The following BRSK2 variants were observed in gnomAD, a reference collection of about 807,000 sequenced individuals.
The protein encoded by BRSK2 is BR serine/threonine kinase 2.
In BRSK2, 19 loss-of-function variants were observed where a neutral mutation model predicts 83.3. The observed-to-expected ratio is 0.23, with a 90% CI of 0.16 to 0.33. The LOEUF (loss-of-function observed/expected upper bound fraction) is 0.33. BRSK2 is among the 10% of genes least tolerant of loss of function. BRSK2 has a pLI of 1.00. For synonymous variants in BRSK2, 519 were observed against 435.4 expected, an observed-to-expected ratio of 1.19 and a Z score of -2.39; for missense variants, 798 against 1,042.3, an observed-to-expected ratio of 0.77 and a Z score of 3.23.
chr11:1,440,762 C>T (rs746159572), intron 3 of BRSK2, 26 bp from the exon 4 acceptor site: 100 of 1,549,124 alleles, frequency 6.5e-5, no homozygotes, highest in Admixed American at 5.9e-5. Flanking sequence ...CACAGCTGGG[C>T]GCACTGGTGG....
At chr11:1,453,841 G>A (rs951410228) in intron 15 of BRSK2, 1 of 152,316 alleles carries the variant, frequency 6.6e-6, no homozygotes, top group Non-Finnish European at 1.5e-5. Context: ...TGCCACCTCT[G>A]AACAGCCACC....
chr11:1,459,147 G>A, intron 18 of BRSK2, 45 bp from the exon 19 acceptor site: 3 of 1,599,152 alleles, frequency 1.9e-6, no homozygotes, highest in Non-Finnish European at 1.7e-6. Context: ...GCCCAGGACA[G>A]CCTTTCACTC....
chr11:1,456,962 C>G (rs775624338), intron 18 of BRSK2: 13 of 1,597,294 alleles, frequency 8.1e-6, no homozygotes, highest in South Asian at 2.2e-5. Context: ...TAGAACCCCC[C>G]CCACCAGCGC....
In BRSK2 at chr11:1,390,059, C is replaced by G. The variant is rs960836128; in HGVS notation, c.-226C>G. 2 of 147,820 alleles carry G rather than the reference C, an allele frequency of 1.4e-5. No individual in the cohort carries two copies. The highest frequency in any genetic ancestry group is 3.5e-4 in the South Asian group (2 of 5,656). 9.2% of individuals were successfully genotyped at this position (147,820 alleles called of 1,614,324 possible). On this transcript the variant is annotated 5_prime_UTR_variant, in exon 1 of 20. Transcript: ENST00000528841. This position sits in a 1 kb window ranked among gnomAD's most constrained non-coding sequence, Gnocchi z 6.8. The stretch of plus-strand genomic sequence containing the variant: ...GGTGCCCCCGCCCGCCCTGTCCTCT[C>G]GACGAGGCGGAGGCGTCGCCGCGGG...
intron 1 of BRSK2, among the ~76,000 whole-genome samples, chr11:1,413,858 C>T (rs546143265): frequency 1.3e-5 from 2 of 152,262 alleles, no homozygotes; most frequent in East Asian, 1.9e-4. Context: ...CAGGTGAGGT[C>T]GGGTGGGTAA....
intron 1 of BRSK2, chr11:1,411,760 G>A: frequency 7.4e-7 from 1 of 1,358,560 alleles, no homozygotes; most frequent in Admixed American, 2.2e-5. Flanking sequence ...CCTGCTGGGA[G>A]GGCCAGCTGT....
chr11:1,436,454 T>C (rs974104065), intron 2 of BRSK2, among the ~76,000 whole-genome samples: 7 of 152,282 alleles, frequency 4.6e-5, no homozygotes, highest in Admixed American at 4.6e-4. Context: ...CCAGCTAGAA[T>C]GGAGAGGAGT....
Position 1,390,194 on chromosome 11 carries a change from G to GA in BRSK2, c.-91_-90insA. On this transcript the variant is annotated 5_prime_UTR_variant, in exon 1 of 20. Coordinates refer to ENST00000528841, the MANE Select transcript of BRSK2 (RefSeq NM_001256627.2). This position sits in a 1 kb window ranked among gnomAD's most constrained non-coding sequence, Gnocchi z 6.8. ...GGGGGCGCCCCGGCCGGGTCGGCGC[G>GA]GACGGCACTCGGCGGACGCGGGCGG... The GA allele has an allele frequency of 3.0e-6, 2 of 659,382 alleles. No individual in the cohort carries two copies. Among genetic ancestry groups the GA allele is most frequent in the Non-Finnish European group, 3.7e-6 (2 of 535,798 alleles). 40.8% of individuals were successfully genotyped at this position (659,382 alleles called of 1,614,324 possible).
intron 1 of BRSK2, chr11:1,411,557 C>T (rs777975428): frequency 1.2e-5 from 19 of 1,574,018 alleles, no homozygotes; most frequent in African/African-American, 6.7e-5. Flanking sequence ...GCCACACTCC[C>T]GGCCCACAGC....
chr11:1,393,535 A>G (rs1845861031), intron 1 of BRSK2, among the ~76,000 whole-genome samples: 1 of 152,166 alleles, frequency 6.6e-6, no homozygotes, highest in African/African-American at 2.4e-5. Context: ...CCTGCAGCTC[A>G]CCTGGCAGTG....
At chr11:1,400,959 T>C (rs1846436651) in intron 1 of BRSK2, among the ~76,000 whole-genome samples, 1 of 152,238 alleles carries the variant, frequency 6.6e-6, no homozygotes, top group African/African-American at 2.4e-5. Flanking sequence ...CCATCCCTGC[T>C]GGTGCATGCC....
At chr11:1,393,424 G>T (rs1845851319) in intron 1 of BRSK2, among the ~76,000 whole-genome samples, 1 of 152,156 alleles carries the variant, frequency 6.6e-6, no homozygotes, top group Non-Finnish European at 1.5e-5. Flanking sequence ...ACGATGAGGG[G>T]CCTGCCTTCG....
chr11:1,392,661 G>A (rs911422497), intron 1 of BRSK2, among the ~76,000 whole-genome samples: 13 of 152,212 alleles, frequency 8.5e-5, no homozygotes, highest in Non-Finnish European at 1.6e-4. Context: ...GAGTCTGGCC[G>A]TGTGGGGAGG....
rs1851884897 is a variant in BRSK2 at position 1,445,346 on chromosome 11, A to G, written c.865A>G (p.Ile289Val). Reference sequence around the variant, plus strand: ...GCAGCCCATTCCTCGCAAGGTGCAGATCCGCTCGCTGCCCAGCCTGGAGGA... The same window carrying G: ...GCAGCCCATTCCTCGCAAGGTGCAGGTCCGCTCGCTGCCCAGCCTGGAGGA... ...PEQPIPRKVQ[I>V]RSLPSLEDID... The change falls in exon 10 of 20, where the codon ATC (isoleucine) becomes GTC (valine). Residue 289 changes from isoleucine (I) to valine (V), a missense_variant. Around this residue, in one of 6 missense-constraint regions of BRSK2, gnomAD observed 145 missense variants for 225.4 expected, o/e 0.64. Transcript: ENST00000528841. 5.0e-6 allele frequency: 8 copies of G among 1,611,796 alleles called. No homozygotes were observed. The highest frequency in any genetic ancestry group is 1.3e-5 in the African/African-American group (1 of 75,040).
rs1847335704 is a variant in BRSK2, at chr11:1,460,516, C to T, written c.2004C>T (p.Asn668=). ...TGTACCCAGGCAGCCCATTGAGTAACTTCTTTGACGTAATTAAACAACTTT... is the reference window on the plus strand; with the variant it reads ...TGTACCCAGGCAGCCCATTGAGTAATTTCTTTGACGTAATTAAACAACTTT... ...RLSKCGSPLS[N]FFDVIKQLFS... Residue 668 remains asparagine, a synonymous_variant, in exon 20 of 20, where the codon AAC becomes AAT. Coordinates refer to ENST00000528841, the MANE Select transcript of BRSK2 (RefSeq NM_001256627.2). 2 of 1,343,292 alleles carry T rather than the reference C, an allele frequency of 1.5e-6. No individual in the cohort carries two copies. The highest frequency in any genetic ancestry group is 2.5e-5 in the Admixed American group (1 of 39,590). 83.2% of individuals were successfully genotyped at this position (1,343,292 alleles called of 1,614,324 possible).
At position 1,423,376 on chromosome 11, in the gene BRSK2, G is replaced by A. The variant is rs1203837202; in HGVS notation, c.92-12664G>A. 6.6e-6 allele frequency among the ~76,000 whole-genome samples: 1 copy of A among 152,164 alleles called. No homozygotes were observed. Among genetic ancestry groups the A allele is most frequent in the Non-Finnish European group, 1.5e-5 (1 of 68,020 alleles). Reference sequence around the variant, plus strand: ...CTTCAGTTAGGAGCCGAGGCCTCTGGCCAGGTTCAGGCACGTGGAGAGTGT... The same window carrying A: ...CTTCAGTTAGGAGCCGAGGCCTCTGACCAGGTTCAGGCACGTGGAGAGTGT... On this transcript the variant is annotated intron_variant, in intron 1 of 19. Transcript: ENST00000528841. This position sits in a 1 kb window ranked among gnomAD's most constrained non-coding sequence, Gnocchi z 6.5.
At chr11:1,405,085 C>CCGCCATCT (rs1846774533) in intron 1 of BRSK2, among the ~76,000 whole-genome samples, 1 of 8,880 alleles carries the variant, frequency 1.1e-4, no homozygotes. Flanking sequence ...CTCTGAGGGG[C>CCGCCATCT]CTGAGCAGCC....
chr11:1,454,305 T>C lies in BRSK2; in HGVS notation c.1545-180T>C, dbSNP rs1480949927. ...TAGAGCCACGGTGATGGTCAGGGCA[T>C]ATGGGCTAGGGTTAGGGCGTTGGGG... On this transcript the variant is annotated intron_variant, in intron 15 of 19. Transcript: ENST00000528841. This position sits in a 1 kb window ranked among gnomAD's most constrained non-coding sequence, Gnocchi z 5.2. 22 of 676,002 alleles carry C rather than the reference T, an allele frequency of 3.3e-5. No individual in the cohort carries two copies. The highest frequency in any genetic ancestry group is 5.5e-5 in the Non-Finnish European group (22 of 396,518). The allele number at this position is 676,002 out of a possible 1,614,324, so 41.9% of individuals were successfully genotyped here.
chr11:1,445,604 C>T lies in BRSK2; in HGVS notation c.1011C>T (p.Leu337=), dbSNP rs181732413. ...AGGAGAAGATGATTTACTTCCTCCT[C>T]CTGGACCGGAAAGAAAGGTACCCGA... The part of the protein sequence containing the change: ...ENQEKMIYFL[L]LDRKERYPSQ... Residue 337 remains leucine, a synonymous_variant, in exon 11 of 20, where the codon CTC becomes CTT. Transcript: ENST00000528841. The T allele has an allele frequency of 2.4e-4, 383 of 1,573,544 alleles. 1 individual carries two copies. Among genetic ancestry groups the T allele is most frequent in the Admixed American group, 2.4e-3 (127 of 53,134 alleles).
Sources: gnomAD v4.1 joint callset for allele counts (sites outside exome capture counted in the v4.1 genomes callset) on GRCh38, gnomAD v4.1.1 for gene constraint, gnomAD v4.1.1 regional missense constraint, Gnocchi (gnomAD v3.1) non-coding constraint, MANE v1.5 for transcripts, NCBI Gene and HGNC (gene_info 2026-07-23, HGNC 2026-07-21) for gene names.